The following CARMIL1 variants were observed in gnomAD, a reference collection of about 807,000 sequenced individuals.
CARMIL1 encodes the protein capping protein regulator and myosin 1 linker 1, also known as F-actin-uncapping protein LRRC16A.
Under a neutral mutation model 177.1 loss-of-function variants are expected in CARMIL1, and 90 were observed. That is an observed-to-expected ratio of 0.51 (90% CI 0.43 to 0.61). The LOEUF (loss-of-function observed/expected upper bound fraction) is 0.61. CARMIL1 is among the 20% of genes least tolerant of loss of function. The probability of loss-of-function intolerance (pLI) is 0.00; values close to 1 mark genes in which losing one functional copy is unlikely to be tolerated. For synonymous variants in CARMIL1, 577 were observed against 606.2 expected, an observed-to-expected ratio of 0.95 and a Z score of 0.71; for missense variants, 1,380 against 1,667.0, an observed-to-expected ratio of 0.83 and a Z score of 3.00.
chr6:25,452,156 G>A (rs771982985), intron 8 of CARMIL1: 1 of 764,932 alleles, frequency 1.3e-6, no homozygotes, highest in Non-Finnish European at 2.4e-6. Context: ...GACTACGGAA[G>A]ATGGTGAAGC....
At chr6:25,354,305 C>G (rs145634673) in intron 2 of CARMIL1, among the ~76,000 whole-genome samples, 1 of 146,166 alleles carries the variant, frequency 6.8e-6, no homozygotes, top group Non-Finnish European at 1.5e-5. Flanking sequence ...ACTATAGTTG[C>G]GTAGCACCAC....
chr6:25,506,405 G>A (rs1359703556), intron 17 of CARMIL1, among the ~76,000 whole-genome samples: 2 of 152,130 alleles, frequency 1.3e-5, no homozygotes, highest in African/African-American at 4.8e-5. Context: ...AATTAGCTAG[G>A]CATGGTAGTG....
chr6:25,452,058 C>T (rs1378969372), intron 8 of CARMIL1: 2 of 552,146 alleles, frequency 3.6e-6, no homozygotes, highest in Admixed American at 4.1e-5. Flanking sequence ...TCCAGAATTG[C>T]AGTGTGGTCC....
intron 2 of CARMIL1, among the ~76,000 whole-genome samples, chr6:25,337,402 G>A (rs1786371121): frequency 6.6e-6 from 1 of 152,042 alleles, no homozygotes; most frequent in Non-Finnish European, 1.5e-5. Flanking sequence ...TACGGTAATC[G>A]GGCATATGTC....
chr6:25,437,653 T>G (rs77285838), intron 5 of CARMIL1, among the ~76,000 whole-genome samples: 4,418 of 152,310 alleles, frequency 0.029, 172 homozygotes, highest in African/African-American at 0.088. Context: ...TGTCCCACAC[T>G]GGACTCCTCA....
intron 32 of CARMIL1, among the ~76,000 whole-genome samples, chr6:25,595,857 C>T (rs1283655204): frequency 6.6e-6 from 1 of 152,184 alleles, no homozygotes; most frequent in Non-Finnish European, 1.5e-5. Context: ...GAATGCTACT[C>T]TTCAGGAGCG....
chr6:25,556,691 G>C lies in CARMIL1; in HGVS notation c.2593-10G>C. 3 of 1,608,650 alleles carry C rather than the reference G, an allele frequency of 1.9e-6. No homozygotes were observed. The highest frequency in any genetic ancestry group is 2.5e-6 in the Non-Finnish European group (3 of 1,177,896). On this transcript the variant is annotated splice_polypyrimidine_tract_variant and intron_variant, in intron 28 of 36. Transcript: ENST00000329474. ...TTTAATTTCTCCTCGTACACGTCTT[G>C]ACCTTCTAGGCTGACCATTTCAGCA...
At chr6:25,614,419 T>TA (rs1294898977) in intron 36 of CARMIL1, among the ~76,000 whole-genome samples, 1 of 152,348 alleles carries the variant, frequency 6.6e-6, no homozygotes, top group Middle Eastern at 3.4e-3. Flanking sequence ...GACACATAGT[T>TA]ACAATAACTC....
At chr6:25,410,288 A>G (rs1187633122) in intron 2 of CARMIL1, among the ~76,000 whole-genome samples, 2 of 152,220 alleles carry the variant, frequency 1.3e-5, no homozygotes, top group African/African-American at 4.8e-5. Flanking sequence ...GACAAGTTGA[A>G]ATGATGTAGG....
intron 26 of CARMIL1, among the ~76,000 whole-genome samples, chr6:25,541,542 C>A (rs1004746361): frequency 6.6e-6 from 1 of 152,164 alleles, no homozygotes; most frequent in East Asian, 1.9e-4. Context: ...TGGATTCACA[C>A]ACTGCTATTC....
intron 16 of CARMIL1, among the ~76,000 whole-genome samples, chr6:25,498,125 C>G (rs147751595): frequency 6.3e-4 from 96 of 152,242 alleles, no homozygotes; most frequent in African/African-American, 2.3e-3. Context: ...CCTGGACATC[C>G]CCTTTCTCCC....
chr6:25,469,483 A>G (rs1206563216), intron 9 of CARMIL1, among the ~76,000 whole-genome samples: 1 of 152,138 alleles, frequency 6.6e-6, no homozygotes, highest in Non-Finnish European at 1.5e-5. Flanking sequence ...TCTAAATATC[A>G]TGAAGTATTT....
At chr6:25,321,724 TCTCAGCTCACTGCAAC>T (rs1784689375) in intron 2 of CARMIL1, among the ~76,000 whole-genome samples, 1 of 152,052 alleles carries the variant, frequency 6.6e-6, no homozygotes, top group Admixed American at 6.6e-5. Flanking sequence ...AGTGGTGCGA[TCTCAGCTCACTGCAAC>T]CTCCGCCTCC....
At chr6:25,527,578 G>A in intron 23 of CARMIL1, 1 of 358,040 alleles carries the variant, frequency 2.8e-6, no homozygotes, top group Non-Finnish European at 5.4e-6. Context: ...TGCATTGATA[G>A]TCATGTCACC....
chr6:25,497,795 T>C (rs1412991452), intron 16 of CARMIL1, among the ~76,000 whole-genome samples: 3 of 152,138 alleles, frequency 2.0e-5, no homozygotes, highest in African/African-American at 7.2e-5. Context: ...CCCACTTAAT[T>C]TGAGATTCTT....
At chr6:25,367,158 G>C (rs997262051) in intron 2 of CARMIL1, among the ~76,000 whole-genome samples, 1 of 152,126 alleles carries the variant, frequency 6.6e-6, no homozygotes, top group South Asian at 2.1e-4. Context: ...GTTTTGATGT[G>C]GGGGGTGTGG....
In CARMIL1 at chr6:25,515,199, G is replaced by A. The variant is rs1329731893; in HGVS notation, c.1633-476G>A. On this transcript the variant is annotated intron_variant, in intron 20 of 36. Transcript: ENST00000329474. This position sits in a 1 kb window ranked among gnomAD's most constrained non-coding sequence, Gnocchi z 5.0. ...ATTAATATACATAAAAAGCTTAAAT[G>A]GTGGTTAAACATAGTAATTGTTCAA... Among the ~76,000 whole-genome samples, 2 of 152,100 alleles carry A rather than the reference G, an allele frequency of 1.3e-5. No homozygotes were observed. The highest frequency in any genetic ancestry group is 3.9e-4 in the East Asian group (2 of 5,182).
chr6:25,480,566 A>G lies in CARMIL1; in HGVS notation c.875-1691A>G, dbSNP rs202009352. On this transcript the variant is annotated intron_variant, in intron 11 of 36. Transcript: ENST00000329474. ...GGTGTATCTCTTGAAAACATTTGAT[A>G]TTTTTATTCAAATAAATCATCTTTG... Among the ~76,000 whole-genome samples the G allele has an allele frequency of 3.3e-5, 5 of 150,508 alleles. No homozygotes were observed. The East Asian group carries it at 7.7e-4, about 23-fold the overall frequency.
At chr6:25,349,309 A>G (rs1272772146) in intron 2 of CARMIL1, among the ~76,000 whole-genome samples, 1 of 152,218 alleles carries the variant, frequency 6.6e-6, no homozygotes, top group African/African-American at 2.4e-5. Flanking sequence ...TCACTCAGAC[A>G]TGGCGAAAAC....
Sources: allele counts gnomAD v4.1 joint callset (sites outside exome capture counted in the v4.1 genomes callset), GRCh38; gene constraint gnomAD v4.1.1; non-coding constraint Gnocchi (gnomAD v3.1); transcripts MANE v1.5; gene names NCBI Gene and HGNC (gene_info 2026-07-23, HGNC 2026-07-21).